CDC42BPB: variants seen among roughly 807,000 people sequenced by gnomAD.
CDC42BPB encodes serine/threonine-protein kinase MRCK beta.
In CDC42BPB, 37 loss-of-function variants were observed where a neutral mutation model predicts 214.9. That is an observed-to-expected ratio of 0.17 (90% CI 0.13 to 0.23). The LOEUF (loss-of-function observed/expected upper bound fraction) is 0.23. Ranked by LOEUF, CDC42BPB falls within the 10% of genes least tolerant of loss-of-function variation. The pLI is 1.00. For synonymous variants in CDC42BPB, 931 were observed against 884.0 expected, an observed-to-expected ratio of 1.05 and a Z score of -0.94; for missense variants, 1,694 against 2,227.0, an observed-to-expected ratio of 0.76 and a Z score of 4.82.
chr14:103,013,589 C>G (rs1331551907), intron 1 of CDC42BPB, among the ~76,000 whole-genome samples: 1 of 152,208 alleles, frequency 6.6e-6, no homozygotes, highest in Admixed American at 6.5e-5. Context: ...AGGGTAGGCC[C>G]TAAGTCCAAC....
chr14:103,013,628 A>G (rs1886283162), intron 1 of CDC42BPB, among the ~76,000 whole-genome samples: 1 of 152,252 alleles, frequency 6.6e-6, no homozygotes, highest in Non-Finnish European at 1.5e-5. Flanking sequence ...AAAGGAGAGA[A>G]GTCAGACTCA....
chr14:103,008,672 C>T (rs1164570450), intron 2 of CDC42BPB, 117 bp from the exon 3 acceptor site: 6 of 1,475,602 alleles, frequency 4.1e-6, no homozygotes, highest in African/African-American at 1.4e-5. Context: ...CAGCAGTGAC[C>T]GAAAGCCAAG....
rs1892064803 is a variant in CDC42BPB, at chr14:102,944,617, GCCTGAGCCCGGC to G, written c.3812-142_3812-131del. On this transcript the variant is annotated intron_variant, in intron 29 of 36. Transcript: ENST00000361246. This position sits in a 1 kb window ranked among gnomAD's most constrained non-coding sequence, Gnocchi z 6.6. Reference sequence around the variant, plus strand: ...CCTGGGCTCCCTTCCTGTGTGCACAGCCTGAGCCCGGCCCTGAGCCCGTCTCTGCCCACAGAG... The same window carrying G: ...CCTGGGCTCCCTTCCTGTGTGCACAGCCTGAGCCCGTCTCTGCCCACAGAG... 6.9e-7 allele frequency: 1 copy of G among 1,458,350 alleles called. No individual in the cohort carries two copies. The highest frequency in any genetic ancestry group is 1.4e-5 in the African/African-American group (1 of 70,030). 90.3% of individuals were successfully genotyped at this position (1,458,350 alleles called of 1,614,324 possible).
At chr14:102,968,232 C>T in intron 16 of CDC42BPB, 21 bp downstream of exon 16, 1 of 1,548,632 alleles carries the variant, frequency 6.5e-7, no homozygotes, top group Non-Finnish European at 8.9e-7. Context: ...AGTGCTAACT[C>T]AGGTACTTTG....
intron 1 of CDC42BPB, among the ~76,000 whole-genome samples, chr14:103,044,746 A>T (rs1316736668): frequency 6.6e-6 from 1 of 150,456 alleles, no homozygotes; most frequent in Non-Finnish European, 1.5e-5. Flanking sequence ...CCTGGGCTCA[A>T]GCAATCTTCC....
chr14:103,051,079 C>T (rs1343979249), intron 1 of CDC42BPB, among the ~76,000 whole-genome samples: 1 of 150,936 alleles, frequency 6.6e-6, no homozygotes, highest in Admixed American at 6.6e-5. Flanking sequence ...AAAAACCTAA[C>T]CCCCAACACA....
intron 1 of CDC42BPB, among the ~76,000 whole-genome samples, chr14:103,040,756 T>C (rs10150774): frequency 0.11 from 16,531 of 152,186 alleles, 2,310 homozygotes; most frequent in African/African-American, 0.33. Context: ...CCATAGCCAT[T>C]CTTTATTTGA....
chr14:103,001,713 C>T lies in CDC42BPB; in HGVS notation c.448-2000G>A, dbSNP rs1346750642. On this transcript the variant is annotated intron_variant, in intron 4 of 36. Coordinates refer to ENST00000361246, the MANE Select transcript of CDC42BPB (RefSeq NM_006035.4). This position sits in a 1 kb window ranked among gnomAD's most constrained non-coding sequence, Gnocchi z 5.8. ...CAGAGGGAGCGGCCCCGGCAGCTGA[C>T]GGACACACACGGGGCCAGGGGAGAT... Among the ~76,000 whole-genome samples the T allele has an allele frequency of 2.0e-5, 3 of 152,304 alleles. No individual in the cohort carries two copies. Among genetic ancestry groups the T allele is most frequent in the East Asian group, 1.9e-4 (1 of 5,184 alleles).
rs556489446 is a variant in CDC42BPB at position 102,946,739 on chromosome 14, C to T, written c.3532-55G>A. Reference sequence around the variant, plus strand: ...GAAGTCATCAAACGCCAAAGCCGCACGCAGCTACCACGGCCCTGCTGGAGC... The same window carrying T: ...GAAGTCATCAAACGCCAAAGCCGCATGCAGCTACCACGGCCCTGCTGGAGC... On this transcript the variant is annotated intron_variant, in intron 27 of 36. Transcript: ENST00000361246. 2.0e-4 allele frequency: 312 copies of T among 1,595,486 alleles called. No homozygotes were observed. The African/African-American group carries it at 3.3e-3, about 17-fold the overall frequency.
chr14:102,945,485 C>T (rs1156963780), intron 29 of CDC42BPB, among the ~76,000 whole-genome samples, 177 bp downstream of exon 29: 1 of 152,256 alleles, frequency 6.6e-6, no homozygotes, highest in East Asian at 1.9e-4. Context: ...GGATGTGATA[C>T]GCAACTTAGC....
chr14:102,949,659 T>TGAAGTACTAA (rs1892391030), intron 26 of CDC42BPB, 106 bp downstream of exon 26: 1 of 1,409,892 alleles, frequency 7.1e-7, no homozygotes, highest in African/African-American at 1.4e-5. Context: ...ATGAAGCAGG[T>TGAAGTACTAA]GAAGTACTAA....
At chr14:102,947,866 G>A (rs1426432784) in intron 26 of CDC42BPB, 64 bp from the exon 27 acceptor site, 9 of 1,581,420 alleles carry the variant, frequency 5.7e-6, no homozygotes, top group African/African-American at 1.3e-5. Flanking sequence ...GCCCTCCCAC[G>A]CCCTGCCCTG....
intron 1 of CDC42BPB, among the ~76,000 whole-genome samples, chr14:103,046,896 C>T (rs1367640427): frequency 1.3e-5 from 2 of 151,950 alleles, no homozygotes; most frequent in African/African-American, 4.8e-5. Context: ...GTTGATCCAC[C>T]TGCCTCGGCC....
intron 1 of CDC42BPB, among the ~76,000 whole-genome samples, chr14:103,053,635 G>A (rs866082806): frequency 3.8e-4 from 57 of 150,612 alleles, no homozygotes; most frequent in South Asian, 8.5e-4. Context: ...GATGGCGGGC[G>A]CCTGTAGTCC....
chr14:103,037,393 A>C (rs1327207062), intron 1 of CDC42BPB, among the ~76,000 whole-genome samples: 1 of 152,114 alleles, frequency 6.6e-6, no homozygotes, highest in African/African-American at 2.4e-5. Flanking sequence ...CCCCAGGCTC[A>C]AGCAATCCTC....
intron 7 of CDC42BPB, among the ~76,000 whole-genome samples, chr14:102,982,118 C>T (rs1214841917): frequency 6.6e-6 from 1 of 152,194 alleles, no homozygotes; most frequent in Non-Finnish European, 1.5e-5. Flanking sequence ...GTTACTTTAA[C>T]AGAATTTGTC....
rs1180589587 is a variant in CDC42BPB at position 102,959,238 on chromosome 14, A to G, written c.2901+393T>C. 2.0e-5 allele frequency among the ~76,000 whole-genome samples: 3 copies of G among 151,474 alleles called. No homozygotes were observed. The East Asian group carries it at 5.9e-4, about 30-fold the overall frequency. ...CTTGAACCCGGGAGGCAGAAGTTGC[A>G]GTGAGCCAAGATCATGCCACTGCAC... On this transcript the variant is annotated intron_variant, in intron 21 of 36. Transcript: ENST00000361246.
chr14:102,941,694 T>A, intron 30 of CDC42BPB: 1 of 332,014 alleles, frequency 3.0e-6, no homozygotes, highest in Non-Finnish European at 4.3e-6. Context: ...AAACAGATTC[T>A]AGTGAAAAGA....
At chr14:103,035,771 C>T (rs886246618) in intron 1 of CDC42BPB, among the ~76,000 whole-genome samples, 55 of 151,828 alleles carry the variant, frequency 3.6e-4, no homozygotes, top group African/African-American at 1.3e-3. Context: ...ACCCGGGAGG[C>T]GGAGCTTGCA....
Sources: allele counts gnomAD v4.1 joint callset (sites outside exome capture counted in the v4.1 genomes callset), GRCh38; gene constraint gnomAD v4.1.1; non-coding constraint Gnocchi (gnomAD v3.1); transcripts MANE v1.5; gene names NCBI Gene and HGNC (gene_info 2026-07-23, HGNC 2026-07-21).